Variants in ENTPD7 observed in about 807,000 individuals in gnomAD.
ENTPD7 encodes the protein NTPDase 7.
In ENTPD7, 53 loss-of-function variants were observed where a neutral mutation model predicts 77.9. The observed-to-expected ratio is 0.68, with a 90% confidence interval of 0.55 to 0.85. The LOEUF is 0.85. Ranked by LOEUF, ENTPD7 falls within the 40% of genes least tolerant of loss-of-function variation. The pLI is 0.00. For missense variants in ENTPD7, 636 were observed against 743.7 expected (o/e 0.86, Z 1.68); for synonymous variants, 248 against 274.9 (o/e 0.90, Z 0.97).
chr10:99,677,227 T>A (rs1300505521), intron 3 of ENTPD7, among the ~76,000 whole-genome samples: 1 of 152,178 alleles, frequency 6.6e-6, no homozygotes. Context: ...TGAATCTTGT[T>A]TTTAAAAGAA....
At position 99,679,416 on chromosome 10, in the gene ENTPD7, A is replaced by G. The variant is rs751466685; in HGVS notation, c.347A>G (p.Lys116Arg). Reference protein sequence around the residue: ...NGNPHDLLDIKQMRDRNSQPV... With the variant: ...NGNPHDLLDIRQMRDRNSQPV... ...AACCCCCATGACTTGCTGGACATCAAACAGATGAGAGACCGCAACAGCCAA... is the reference window on the plus strand; with the variant it reads ...AACCCCCATGACTTGCTGGACATCAGACAGATGAGAGACCGCAACAGCCAA... Residue 116 changes from lysine (K) to arginine (R), a missense_variant, in exon 4 of 13, where the codon AAA (lysine) becomes AGA (arginine). Lys to Arg is a conservative substitution (Grantham distance 26). Transcript: ENST00000370489. 1.9e-5 allele frequency: 31 copies of G among 1,614,060 alleles called. No individual in the cohort carries two copies. In the Middle Eastern group the frequency reaches 4.9e-4, roughly 26 times the overall value.
intron 8 of ENTPD7, among the ~76,000 whole-genome samples, chr10:99,693,980 G>A (rs954810999): frequency 6.6e-6 from 1 of 151,716 alleles, no homozygotes; most frequent in Non-Finnish European, 1.5e-5. Flanking sequence ...GAATCTTAGT[G>A]CTTGGTAAAA....
chr10:99,682,952 C>T lies in ENTPD7; in HGVS notation c.549-2840C>T, dbSNP rs138046973. ...TGTTTGGAGGAAAGGAGATTGTTGCCTCACCTCCTGGCACTGTTCGGTATT... is the reference window on the plus strand; with the variant it reads ...TGTTTGGAGGAAAGGAGATTGTTGCTTCACCTCCTGGCACTGTTCGGTATT... On this transcript the variant is annotated intron_variant, in intron 5 of 12. Transcript: ENST00000370489. 3.3e-3 allele frequency among the ~76,000 whole-genome samples: 499 copies of T among 152,244 alleles called. 1 individual carries two copies. The highest frequency in any genetic ancestry group is 6.3e-3 in the Non-Finnish European group (428 of 68,028).
At position 99,685,898 on chromosome 10, in the gene ENTPD7, A is replaced by G. The variant is rs750886155; in HGVS notation, c.652+3A>G. On this transcript the variant is annotated splice_donor_region_variant and intron_variant, in intron 6 of 12. Coordinates refer to ENST00000370489, the MANE Select transcript of ENTPD7 (RefSeq NM_020354.5). The stretch of plus-strand genomic sequence containing the variant: ...AGTGATCTCTGGGAAGCAGGAAGGT[A>G]CTGGGCCTTAAGGGGTGCAGCTGGT... 6.2e-7 allele frequency: 1 copy of G among 1,610,360 alleles called. No homozygotes were observed.
rs550015975 is a variant in ENTPD7, at chr10:99,693,744, C to T, written c.844-2212C>T. 1.1e-4 allele frequency among the ~76,000 whole-genome samples: 16 copies of T among 152,160 alleles called. No homozygotes were observed. The East Asian group carries it at 1.5e-3, about 15-fold the overall frequency. On this transcript the variant is annotated intron_variant, in intron 8 of 12. Coordinates refer to ENST00000370489, the MANE Select transcript of ENTPD7 (RefSeq NM_020354.5). ...ACCAGTCTGGCCAACATGGTGAAAC[C>T]CCGTCTCTACTAAAAATACAAAAAT...
chr10:99,687,149 T>C (rs1278836121), intron 6 of ENTPD7, among the ~76,000 whole-genome samples: 1 of 151,280 alleles, frequency 6.6e-6, no homozygotes, highest in African/African-American at 2.4e-5. Flanking sequence ...ACTCCTGACC[T>C]CGTGATCCGC....
chr10:99,691,218 C>G (rs1421004759), intron 7 of ENTPD7, among the ~76,000 whole-genome samples, 167 bp from the exon 8 acceptor site: 1 of 152,066 alleles, frequency 6.6e-6, no homozygotes, highest in Admixed American at 6.5e-5. Flanking sequence ...TCTTGAACTC[C>G]TCGGCTCACA....
At position 99,709,082 on chromosome 10, in the gene ENTPD7, A is replaced by G. The variant is rs1242930772; in HGVS notation, c.*4399A>G. 2 of 981,490 alleles carry G rather than the reference A, an allele frequency of 2.0e-6. No homozygotes were observed. The highest frequency in any genetic ancestry group is 3.5e-5 in the African/African-American group (2 of 57,280). The allele number at this position is 981,490 out of a possible 1,614,324, so 60.8% of individuals were successfully genotyped here. A position where few individuals can be genotyped will look rare whatever the true frequency, so the allele number is the denominator to read the frequency against. Reference sequence around the variant, plus strand: ...TTCTTTTCGTACTTTTAAATTTTATACATCTTTTTAAAACAATTTTATACA... The same window carrying G: ...TTCTTTTCGTACTTTTAAATTTTATGCATCTTTTTAAAACAATTTTATACA... On this transcript the variant is annotated 3_prime_UTR_variant, in exon 13 of 13. Coordinates refer to ENST00000370489, the MANE Select transcript of ENTPD7 (RefSeq NM_020354.5).
chr10:99,695,914 C>A, intron 8 of ENTPD7, 42 bp from the exon 9 acceptor site: 1 of 1,570,002 alleles, frequency 6.4e-7, no homozygotes, highest in Non-Finnish European at 8.6e-7. Flanking sequence ...TAGAAGGCAA[C>A]CAAAACTAAA....
chr10:99,677,750 T>C (rs1341158635), intron 3 of ENTPD7, among the ~76,000 whole-genome samples: 1 of 152,238 alleles, frequency 6.6e-6, no homozygotes, highest in Non-Finnish European at 1.5e-5. Flanking sequence ...TTCTACTATT[T>C]ACTTTCCCAA....
At chr10:99,675,330 T>G (rs1344233285) in intron 3 of ENTPD7, among the ~76,000 whole-genome samples, 4 of 144,188 alleles carry the variant, frequency 2.8e-5, no homozygotes, top group South Asian at 2.2e-4. Flanking sequence ...TGAATGTGTG[T>G]TTTTTTTTTT....
chr10:99,684,386 T>C (rs1308741535), intron 5 of ENTPD7, among the ~76,000 whole-genome samples: 1 of 152,240 alleles, frequency 6.6e-6, no homozygotes, highest in Non-Finnish European at 1.5e-5. Flanking sequence ...CAGCAACATA[T>C]GTTGTTGCCC....
intron 8 of ENTPD7, among the ~76,000 whole-genome samples, chr10:99,693,980 G>C (rs954810999): frequency 1.3e-5 from 2 of 151,716 alleles, no homozygotes. Context: ...GAATCTTAGT[G>C]CTTGGTAAAA....
At chr10:99,697,093 T>C (rs2035999083) in intron 9 of ENTPD7, among the ~76,000 whole-genome samples, 1 of 152,216 alleles carries the variant, frequency 6.6e-6, no homozygotes, top group Non-Finnish European at 1.5e-5. Context: ...CAATCAATTA[T>C]CTTATATTTA....
rs12247166 is a variant in ENTPD7, at chr10:99,689,804, A to G, written c.709+1054A>G. Among the ~76,000 whole-genome samples, 491 of 152,356 alleles carry G rather than the reference A, an allele frequency of 3.2e-3. 3 individuals are homozygous for G. Among genetic ancestry groups the G allele is most frequent in the African/African-American group, 0.011 (469 of 41,580 alleles). ...GACATGTTTTTCATTAGAGATTGCAAAATGGTGATATTTCTAATTCTGTCA... is the reference window on the plus strand; with the variant it reads ...GACATGTTTTTCATTAGAGATTGCAGAATGGTGATATTTCTAATTCTGTCA... On this transcript the variant is annotated intron_variant, in intron 7 of 12. Coordinates refer to ENST00000370489, the MANE Select transcript of ENTPD7 (RefSeq NM_020354.5).
At chr10:99,682,199 G>T (rs1203877311) in intron 5 of ENTPD7, among the ~76,000 whole-genome samples, 1 of 145,354 alleles carries the variant, frequency 6.9e-6, no homozygotes, top group Non-Finnish European at 1.5e-5. Flanking sequence ...GTCAACAGCA[G>T]TTTTTTTTTT....
intron 7 of ENTPD7, among the ~76,000 whole-genome samples, chr10:99,688,984 C>T (rs757126385): frequency 6.6e-6 from 1 of 152,060 alleles, no homozygotes. Flanking sequence ...GACCCATTAC[C>T]CAGGCTCAAT....
chr10:99,685,920 T>C (rs1353780695), intron 6 of ENTPD7, 25 bp downstream of exon 6: 1 of 1,527,990 alleles, frequency 6.5e-7, no homozygotes. Flanking sequence ...GGGGTGCAGC[T>C]GGTTAACCTC....
In ENTPD7 at chr10:99,696,059, G is replaced by A. The variant is rs1300551269; in HGVS notation, c.947G>A (p.Gly316Glu). Residue 316 changes from glycine to glutamate, a missense_variant, in exon 9 of 13, where the codon GGA becomes GAA. Around this residue, in one of 3 missense-constraint regions of ENTPD7, gnomAD observed 486 missense variants for 556.5 expected, o/e 0.87. Coordinates refer to ENST00000370489, the MANE Select transcript of ENTPD7 (RefSeq NM_020354.5). ...RVYVTTFLGF[G>E]GNFARQRYED... ...TATGTCACAACTTTTCTGGGTTTCG[G>A]AGGCAACTTTGCCCGGCAGCGCTAC... 6.2e-7 allele frequency: 1 copy of A among 1,614,174 alleles called. No homozygotes were observed.
Sources: gnomAD v4.1 joint callset for allele counts (sites outside exome capture counted in the v4.1 genomes callset) on GRCh38, gnomAD v4.1.1 for gene constraint, gnomAD v4.1.1 regional missense constraint, MANE v1.5 for transcripts, NCBI Gene and HGNC (gene_info 2026-07-23, HGNC 2026-07-21) for gene names.